Variants in SUFU observed in about 807,000 individuals in gnomAD.
The protein encoded by SUFU is SUFU negative regulator of hedgehog signaling.
In SUFU, 7 loss-of-function variants were observed where a neutral mutation model predicts 58.9. That is an observed-to-expected ratio of 0.12 (90% confidence interval 0.07 to 0.22). The LOEUF is 0.22. Among genes scored for constraint, SUFU ranks in the 10% least tolerant of loss-of-function variants. SUFU has a pLI of 1.00. For missense variants in SUFU, 451 were observed against 641.3 expected (o/e 0.70, Z 3.20); for synonymous variants, 232 against 254.8 (o/e 0.91, Z 0.85).
intron 8 of SUFU, among the ~76,000 whole-genome samples, chr10:102,601,194 C>T (rs2063512238): frequency 6.6e-6 from 1 of 152,148 alleles, no homozygotes; most frequent in African/African-American, 2.4e-5. Context: ...ACCTTCTTGC[C>T]CCGCTTGTGT....
At chr10:102,595,189 G>T (rs115384868) in intron 6 of SUFU, among the ~76,000 whole-genome samples, 4 of 152,198 alleles carry the variant, frequency 2.6e-5, no homozygotes, top group African/African-American at 9.7e-5. Context: ...GGCAGTTGCC[G>T]GGAGTTCCAT....
At chr10:102,515,255 C>T (rs1292445327) in intron 2 of SUFU, among the ~76,000 whole-genome samples, 1 of 152,004 alleles carries the variant, frequency 6.6e-6, no homozygotes, top group Non-Finnish European at 1.5e-5. Context: ...TTAGTGTGGC[C>T]TCCGTCTCCT....
Position 102,605,654 on chromosome 10 carries a change from G to C in SUFU, c.1022+6110G>C, listed in dbSNP as rs533513727. ...TAATAAGAACTTCAGAGGTGAGCTG[G>C]TCCCCTCTCCCTCGATCCCACAGCC... is the stretch of plus-strand genomic sequence containing the variant. On this transcript the variant is annotated intron_variant, in intron 8 of 11. Transcript: ENST00000369902. 1.4e-3 allele frequency among the ~76,000 whole-genome samples: 211 copies of C among 152,218 alleles called. 1 individual carries two copies. Among genetic ancestry groups the C allele is most frequent in the African/African-American group, 4.9e-3 (204 of 41,512 alleles).
At chr10:102,590,014 T>C (rs2063378868) in intron 3 of SUFU, among the ~76,000 whole-genome samples, 2 of 152,066 alleles carry the variant, frequency 1.3e-5, no homozygotes, top group African/African-American at 4.8e-5. Flanking sequence ...TCTGTGTCTA[T>C]TGACATGATC....
chr10:102,597,011 C>T, intron 6 of SUFU, 129 bp from the exon 7 acceptor site: 1 of 1,107,550 alleles, frequency 9.0e-7, no homozygotes, highest in South Asian at 1.3e-5. Context: ...ATCCTGCTCT[C>T]CAGCATTTGT....
intron 1 of SUFU, 48 bp downstream of exon 1, chr10:102,504,382 T>G (rs2062295527): frequency 6.2e-7 from 1 of 1,606,792 alleles, no homozygotes; most frequent in Non-Finnish European, 8.5e-7. Context: ...CTGGAAAGGG[T>G]TAAAGCGCCG....
At chr10:102,525,943 T>C (rs557770042) in intron 2 of SUFU, among the ~76,000 whole-genome samples, 7 of 152,202 alleles carry the variant, frequency 4.6e-5, no homozygotes, top group East Asian at 1.9e-4. Flanking sequence ...AAAAATTTTA[T>C]ATAGTTTTAG....
intron 8 of SUFU, among the ~76,000 whole-genome samples, chr10:102,605,601 G>C (rs2063555794): frequency 6.6e-6 from 1 of 152,142 alleles, no homozygotes; most frequent in African/African-American, 2.4e-5. Flanking sequence ...AAATTTGTCA[G>C]AATAACCAGG....
intron 3 of SUFU, among the ~76,000 whole-genome samples, chr10:102,550,561 C>G (rs1297988340): frequency 6.6e-6 from 1 of 152,122 alleles, no homozygotes; most frequent in Non-Finnish European, 1.5e-5. Flanking sequence ...CATGGTCTCT[C>G]AAAGCATGGT....
At chr10:102,590,946 T>TA in intron 3 of SUFU, 1 of 152,330 alleles carries the variant, frequency 6.6e-6, no homozygotes, top group Non-Finnish European at 1.5e-5. Context: ...CTCTCCCCTG[T>TA]ATTATCACAT....
At position 102,563,906 on chromosome 10, in the gene SUFU, G is replaced by T. The variant is rs2063063823; in HGVS notation, c.454+13800G>T. Among the ~76,000 whole-genome samples the T allele has an allele frequency of 1.3e-5, 2 of 152,150 alleles. 1 individual carries two copies. Among genetic ancestry groups the T allele is most frequent in the South Asian group, 4.1e-4 (2 of 4,832 alleles). ...TTGGAGCGCAGCCCTCAGGGTCATG[G>T]ATACTTCTCAGCTCTGCCATTCCAG... is the stretch of plus-strand genomic sequence containing the variant. On this transcript the variant is annotated intron_variant, in intron 3 of 11. Coordinates refer to ENST00000369902, the MANE Select transcript of SUFU (RefSeq NM_016169.4).
rs907345056 is a variant in SUFU at position 102,619,483 on chromosome 10, G to A, written c.1296+2055G>A. Reference sequence around the variant, plus strand: ...ACTCAATCAAAGGCCTGTGTTATGGGCTCATTAGTGTGGTCCACCACGGGG... The same window carrying A: ...ACTCAATCAAAGGCCTGTGTTATGGACTCATTAGTGTGGTCCACCACGGGG... On this transcript the variant is annotated intron_variant, in intron 10 of 11. Transcript: ENST00000369902. The surrounding 1 kb of genome is among the most constrained non-coding windows in gnomAD (Gnocchi z 4.2). 2 of 1,217,288 alleles carry A rather than the reference G, an allele frequency of 1.6e-6. No homozygotes were observed. Among genetic ancestry groups the A allele is most frequent in the African/African-American group, 1.5e-5 (1 of 65,912 alleles). 75.4% of individuals were successfully genotyped at this position (1,217,288 alleles called of 1,614,324 possible). A position where few individuals can be genotyped will look rare whatever the true frequency, so the allele number is the denominator to read the frequency against.
intron 2 of SUFU, among the ~76,000 whole-genome samples, chr10:102,525,258 C>T (rs201202730): frequency 2.6e-5 from 4 of 151,736 alleles, no homozygotes; most frequent in East Asian, 3.9e-4. Flanking sequence ...TTACAGGGCA[C>T]GCTACCACGC....
At chr10:102,622,910 G>C (rs2063752506) in intron 10 of SUFU, among the ~76,000 whole-genome samples, 1 of 144,516 alleles carries the variant, frequency 6.9e-6, no homozygotes, top group South Asian at 2.2e-4. Context: ...AGAATCACTT[G>C]AACCCAGGAG....
intron 2 of SUFU, among the ~76,000 whole-genome samples, chr10:102,510,845 G>C (rs1210707970): frequency 6.6e-6 from 1 of 150,826 alleles, no homozygotes. Context: ...ATTAGGCTGG[G>C]TGTGGTGGCT....
chr10:102,561,717 G>C (rs1277875860), intron 3 of SUFU, among the ~76,000 whole-genome samples: 1 of 134,770 alleles, frequency 7.4e-6, no homozygotes, highest in African/African-American at 2.9e-5. Context: ...TGCTCAGACC[G>C]GAGTCCAGTG....
chr10:102,599,886 G>A (rs929019673), intron 8 of SUFU, among the ~76,000 whole-genome samples: 1 of 152,232 alleles, frequency 6.6e-6, no homozygotes, highest in Non-Finnish European at 1.5e-5. Flanking sequence ...CCTTATCTCA[G>A]TCTTGGCCAG....
chr10:102,516,125 C>CTTTTTTTTTTTT (rs60544094), intron 2 of SUFU, among the ~76,000 whole-genome samples: 123 of 125,442 alleles, frequency 9.8e-4, no homozygotes, highest in Non-Finnish European at 1.6e-3. Flanking sequence ...TCTTTCTTTT[C>CTTTTTTTTTTTT]TTTTTTTTTT....
In SUFU at chr10:102,619,418, G is replaced by C; in HGVS notation, c.1296+1990G>C. 7.4e-7 allele frequency: 1 copy of C among 1,349,870 alleles called. No homozygotes were observed. The highest frequency in any genetic ancestry group is 9.6e-7 in the Non-Finnish European group (1 of 1,046,646). The allele number at this position is 1,349,870 out of a possible 1,614,324, so 83.6% of individuals were successfully genotyped here. On this transcript the variant is annotated intron_variant, in intron 10 of 11. Coordinates refer to ENST00000369902, the MANE Select transcript of SUFU (RefSeq NM_016169.4). The surrounding 1 kb of genome is among the most constrained non-coding windows in gnomAD (Gnocchi z 4.2). ...CGGGGCGCGGTGGGAACGAGCTGCT[G>C]GCCTCGGCATGTTTCAATAAAGTTG...
Sources: allele counts gnomAD v4.1 joint callset (sites outside exome capture counted in the v4.1 genomes callset), GRCh38; gene constraint gnomAD v4.1.1; non-coding constraint Gnocchi (gnomAD v3.1); transcripts MANE v1.5; gene names NCBI Gene and HGNC (gene_info 2026-07-23, HGNC 2026-07-21).